UGT1A3: variants seen among roughly 807,000 people sequenced by gnomAD.
UGT1A3 encodes UDP-glucuronosyltransferase 1A3.
A neutral mutation model predicts 41.0 loss-of-function variants in UGT1A3; 31 were observed. The ratio of observed to expected loss-of-function variants is 0.76; its 90% CI spans 0.57 to 1.02. The LOEUF (loss-of-function observed/expected upper bound fraction) is 1.02, where lower values mean the gene tolerates loss of function less well. Among genes scored for constraint, UGT1A3 ranks in the 50% least tolerant of loss-of-function variants. The pLI is 0.00. For synonymous variants in UGT1A3, 262 were observed against 257.6 expected (o/e 1.02, Z -0.17); for missense variants, 737 against 671.0 (o/e 1.10, Z -1.09).
At chr2:233,737,438 C>T (rs756713740) in intron 1 of UGT1A3, among the ~76,000 whole-genome samples, 1 of 152,164 alleles carries the variant, frequency 6.6e-6, no homozygotes, top group Non-Finnish European at 1.5e-5. Context: ...GTGGGAGTGT[C>T]CCGTTTTTCC....
At position 233,769,881 on chromosome 2, in the gene UGT1A3, G is replaced by A. The variant is rs1425583978; in HGVS notation, c.1307+1442G>A. The A allele has an allele frequency of 1.5e-5, 6 of 409,146 alleles. No homozygotes were observed. The highest frequency in any genetic ancestry group is 2.0e-5 in the African/African-American group (1 of 48,904). 25.3% of individuals were successfully genotyped at this position (409,146 alleles called of 1,614,324 possible). Reference sequence around the variant, plus strand: ...TCAAAAAAAAAAAAAAAAATGAAAAGTCCACATAACCTGAGCATCATGTGC... The same window carrying A: ...TCAAAAAAAAAAAAAAAAATGAAAAATCCACATAACCTGAGCATCATGTGC... On this transcript the variant is annotated intron_variant, in intron 4 of 4. Coordinates refer to ENST00000482026, the MANE Select transcript of UGT1A3 (RefSeq NM_019093.4). This position sits in a 1 kb window ranked among gnomAD's most constrained non-coding sequence, Gnocchi z 4.4.
rs2078696404 is a variant in UGT1A3 at position 233,735,803 on chromosome 2, A to G, written c.867+5810A>G. ...TGGCTGCATATGAATTTCTGGGTTG[A>G]AAATTCTTTTCTTTAAGAATGTTGA... On this transcript the variant is annotated intron_variant, in intron 1 of 4. Transcript: ENST00000482026. 2.0e-5 allele frequency among the ~76,000 whole-genome samples: 3 copies of G among 152,192 alleles called. No individual in the cohort carries two copies. The South Asian group carries it at 6.2e-4, about 31-fold the overall frequency.
chr2:233,743,824 G>T, intron 1 of UGT1A3: 1 of 1,367,262 alleles, frequency 7.3e-7, no homozygotes, highest in Non-Finnish European at 9.8e-7. Flanking sequence ...TTTTGTCGGG[G>T]TGCCACTTGA....
chr2:233,768,296 C>T lies in UGT1A3; in HGVS notation c.1164C>T (p.Pro388=), dbSNP rs763217521. 13 of 1,614,024 alleles carry T rather than the reference C, an allele frequency of 8.1e-6. No homozygotes were observed. In the African/African-American group the frequency reaches 1.1e-4, roughly 13 times the overall value. ...GVYESICNGV[P]MVMMPLFGDQ... is the part of the protein sequence containing the mutation. The stretch of plus-strand genomic sequence containing the variant: ...ATGAAAGCATATGCAATGGCGTTCC[C>T]ATGGTGATGATGCCCTTGTTTGGTG... Residue 388 remains proline (P), a synonymous_variant, in exon 4 of 5, where the codon CCC becomes CCT. Coordinates refer to ENST00000482026, the MANE Select transcript of UGT1A3 (RefSeq NM_019093.4).
chr2:233,729,953 T>A lies in UGT1A3; in HGVS notation c.827T>A (p.Ile276Asn), dbSNP rs371021401. The change falls in exon 1 of 5, where the codon ATT becomes AAT. Residue 276 changes from isoleucine to asparagine, a missense_variant. Physicochemically the swap from Ile to Asn is moderately radical, Grantham distance 149. Coordinates refer to ENST00000482026, the MANE Select transcript of UGT1A3 (RefSeq NM_019093.4). ...CCAATCATGCCCAACATGGTCTTCA[T>A]TGGGGGCATCAACTGTGCCAACAGG... ...PRPIMPNMVF[I>N]GGINCANRKP... 1 of 1,614,064 alleles carries A rather than the reference T, an allele frequency of 6.2e-7. No homozygotes were observed. The highest frequency in any genetic ancestry group is 8.5e-7 in the Non-Finnish European group (1 of 1,179,928).
At chr2:233,745,380 C>A (rs531226985) in intron 1 of UGT1A3, among the ~76,000 whole-genome samples, 1 of 151,924 alleles carries the variant, frequency 6.6e-6, no homozygotes, top group East Asian at 1.9e-4. Flanking sequence ...GTTCTCTTCA[C>A]CTCCTTATTC....
intron 4 of UGT1A3, among the ~76,000 whole-genome samples, chr2:233,768,959 C>T (rs1259546166): frequency 6.6e-6 from 1 of 152,056 alleles, no homozygotes; most frequent in African/African-American, 2.4e-5. Flanking sequence ...TATAATTTAT[C>T]ATATAATTTA....
At chr2:233,739,657 C>A (rs772609637) in intron 1 of UGT1A3, among the ~76,000 whole-genome samples, 1 of 152,202 alleles carries the variant, frequency 6.6e-6, no homozygotes, top group Admixed American at 6.5e-5. Context: ...TTCTGTACCC[C>A]CATTGTGTCT....
rs1316565909 is a variant in UGT1A3, at chr2:233,767,035, A to G, written c.869A>G (p.Glu290Gly). 6.2e-7 allele frequency: 1 copy of G among 1,614,064 alleles called. No homozygotes were observed. The highest frequency in any genetic ancestry group is 1.7e-5 in the Admixed American group (1 of 60,022). ...NCANRKPLSQ[E>G]FEAYINASGE... The stretch of plus-strand genomic sequence containing the variant: ...TGAAAATTTTTCTTCTGGCTCTAGG[A>G]ATTTGAAGCCTACATTAATGCTTCT... The change falls in exon 2 of 5, where the codon GAA (glutamate) becomes GGA (glycine). Residue 290 changes from glutamate to glycine, a missense_variant and splice_region_variant. Coordinates refer to ENST00000482026, the MANE Select transcript of UGT1A3 (RefSeq NM_019093.4).
intron 1 of UGT1A3, among the ~76,000 whole-genome samples, chr2:233,758,886 A>G (rs1359605259): frequency 6.6e-6 from 1 of 152,236 alleles, no homozygotes; most frequent in African/African-American, 2.4e-5. Context: ...TCCATGGTCA[A>G]TAAATACAAA....
At chr2:233,755,161 C>T (rs1553619056) in intron 1 of UGT1A3, 1 of 1,292,236 alleles carries the variant, frequency 7.7e-7, no homozygotes, top group Non-Finnish European at 1.0e-6. Flanking sequence ...TCCCTGTCCT[C>T]GGGGTTTTTG....
intron 2 of UGT1A3, 143 bp from the exon 3 acceptor site, chr2:233,767,706 A>C (rs1467899863): frequency 1.1e-5 from 16 of 1,521,756 alleles, no homozygotes; most frequent in Admixed American, 2.0e-5. Flanking sequence ...GCCAGTCCTC[A>C]GAAGCCTTCA....
chr2:233,750,643 A>G (rs1694525645), intron 1 of UGT1A3: 1 of 149,168 alleles, frequency 6.7e-6, no homozygotes. Flanking sequence ...TGCTGTGTGC[A>G]GCCTCAGGAC....
intron 1 of UGT1A3, among the ~76,000 whole-genome samples, chr2:233,735,163 G>C (rs2078615776): frequency 7.0e-6 from 1 of 143,406 alleles, no homozygotes. Context: ...CTCTGTGTAG[G>C]TCTCTAAGAA....
Position 233,769,147 on chromosome 2 carries a change from G to A in UGT1A3, c.1307+708G>A, listed in dbSNP as rs1297167698. 6.6e-6 allele frequency among the ~76,000 whole-genome samples: 1 copy of A among 152,116 alleles called. No homozygotes were observed. The highest frequency in any genetic ancestry group is 2.4e-5 in the African/African-American group (1 of 41,410). On this transcript the variant is annotated intron_variant, in intron 4 of 4. Transcript: ENST00000482026. This position sits in a 1 kb window ranked among gnomAD's most constrained non-coding sequence, Gnocchi z 4.4. ...AGAAGTACAGCTTTTTGCAGCACTG[G>A]AACCTGTGAGAAATTTTGTCCATGG...
chr2:233,738,398 A>G (rs1690780293), intron 1 of UGT1A3, among the ~76,000 whole-genome samples: 1 of 152,236 alleles, frequency 6.6e-6, no homozygotes, highest in African/African-American at 2.4e-5. Context: ...AGTGACTTGG[A>G]ACTGGGTAAC....
chr2:233,768,908 GA>G (rs1376378983), intron 4 of UGT1A3, among the ~76,000 whole-genome samples: 2 of 152,020 alleles, frequency 1.3e-5, no homozygotes, highest in African/African-American at 4.8e-5. Context: ...AGATAATTTA[GA>G]GGTTATTATT....
intron 1 of UGT1A3, chr2:233,747,346 G>C (rs1006096980): frequency 6.2e-7 from 1 of 1,603,162 alleles, no homozygotes; most frequent in East Asian, 2.2e-5. Context: ...GCTCGCATGC[G>C]GGAGGCCGTG....
chr2:233,742,570 A>C (rs1348152988), intron 1 of UGT1A3, among the ~76,000 whole-genome samples: 2 of 151,766 alleles, frequency 1.3e-5, no homozygotes, highest in Non-Finnish European at 2.9e-5. Flanking sequence ...TTCTGGCCGG[A>C]ATTGGGGGCT....
Sources: allele counts gnomAD v4.1 joint callset (sites outside exome capture counted in the v4.1 genomes callset), GRCh38; gene constraint gnomAD v4.1.1; non-coding constraint Gnocchi (gnomAD v3.1); transcripts MANE v1.5; gene names NCBI Gene and HGNC (gene_info 2026-07-23, HGNC 2026-07-21).